The following AAK1 variants were observed in gnomAD, a reference collection of about 807,000 sequenced individuals.
The protein encoded by AAK1 is AP2 associated kinase 1.
A neutral mutation model predicts 116.0 loss-of-function variants in AAK1; 37 were observed. The ratio of observed to expected loss-of-function variants is 0.32; its 90% CI spans 0.25 to 0.42. The LOEUF (loss-of-function observed/expected upper bound fraction) is 0.42, where lower values mean the gene tolerates loss of function less well. Ranked by LOEUF, AAK1 falls within the 10% of genes least tolerant of loss-of-function variation. The pLI is 1.00. For synonymous variants in AAK1, 458 were observed against 439.9 expected (o/e 1.04, Z -0.51); for missense variants, 919 against 1,170.6 (o/e 0.79, Z 3.14).
chr2:69,548,094 T>C (rs1671003648), intron 3 of AAK1, among the ~76,000 whole-genome samples: 1 of 152,156 alleles, frequency 6.6e-6, no homozygotes, highest in African/African-American at 2.4e-5. Context: ...AGAGGGGGAA[T>C]AAGGAAAGAC....
intron 2 of AAK1, among the ~76,000 whole-genome samples, chr2:69,585,636 G>A (rs1317615029): frequency 6.6e-6 from 1 of 152,108 alleles, no homozygotes; most frequent in Non-Finnish European, 1.5e-5. Context: ...GCAGCCTTGA[G>A]TTCTAAAACC....
At chr2:69,525,430 C>T (rs1669982794) in intron 9 of AAK1, among the ~76,000 whole-genome samples, 1 of 152,184 alleles carries the variant, frequency 6.6e-6, no homozygotes, top group African/African-American at 2.4e-5. Context: ...CCCTTCTCCT[C>T]CTATAGCACA....
In AAK1 at chr2:69,479,051, G is replaced by A. The variant is rs182553523; in HGVS notation, c.2580C>T (p.Thr860=). 1.3e-4 allele frequency: 203 copies of A among 1,611,862 alleles called. No individual in the cohort carries two copies. Among genetic ancestry groups the A allele is most frequent in the Non-Finnish European group, 1.5e-4 (177 of 1,178,004 alleles). Residue 860 remains threonine (T), a synonymous_variant, in exon 20 of 22, where the codon ACC becomes ACT. Coordinates refer to ENST00000409085, the MANE Select transcript of AAK1 (RefSeq NM_014911.5). The part of the protein sequence containing the change: ...SVTSNRTDSL[T]GEDSLLDCSL... ...AGCAATCAAGCAGGGAATCTTCCCCGGTGAGAGAATCTGAGTCCAGATTAA... is the reference window on the plus strand; with the variant it reads ...AGCAATCAAGCAGGGAATCTTCCCCAGTGAGAGAATCTGAGTCCAGATTAA...
chr2:69,519,524 C>T (rs1276286734), intron 11 of AAK1, among the ~76,000 whole-genome samples: 3 of 152,190 alleles, frequency 2.0e-5, no homozygotes, highest in African/African-American at 7.2e-5. Flanking sequence ...CTTTAGTTGG[C>T]ACCCCAAATG....
At chr2:69,565,378 G>A (rs1671820495) in intron 2 of AAK1, among the ~76,000 whole-genome samples, 1 of 152,238 alleles carries the variant, frequency 6.6e-6, no homozygotes, top group South Asian at 2.1e-4. Flanking sequence ...TTCTAAGCTA[G>A]GACTGAACCA....
At chr2:69,573,907 G>A (rs1457860430) in intron 2 of AAK1, among the ~76,000 whole-genome samples, 1 of 151,944 alleles carries the variant, frequency 6.6e-6, no homozygotes, top group African/African-American at 2.4e-5. Context: ...GCTGAGGCAG[G>A]AGAATCGCCT....
intron 3 of AAK1, among the ~76,000 whole-genome samples, chr2:69,553,437 GTTTTT>G (rs70954350): frequency 6.3e-5 from 5 of 79,596 alleles, no homozygotes; most frequent in African/African-American, 2.1e-4. Context: ...ATTGAAAGTT[GTTTTT>G]TTTTTTTTTT....
At chr2:69,630,169 G>C (rs1573025108) in intron 2 of AAK1, among the ~76,000 whole-genome samples, 1 of 152,222 alleles carries the variant, frequency 6.6e-6, no homozygotes, top group East Asian at 1.9e-4. Context: ...GGCAGGTAGA[G>C]AGGCCCATCA....
chr2:69,633,934 C>G (rs1046095115), intron 2 of AAK1, among the ~76,000 whole-genome samples: 8 of 152,212 alleles, frequency 5.3e-5, no homozygotes, highest in Non-Finnish European at 1.2e-4. Context: ...CTTTGGGAGG[C>G]TGAGGCAGGT....
intron 2 of AAK1, among the ~76,000 whole-genome samples, chr2:69,635,239 A>G (rs565136384): frequency 1.3e-5 from 2 of 152,358 alleles, no homozygotes; most frequent in South Asian, 2.1e-4. Flanking sequence ...AATCAAAAGT[A>G]TAAGAAGATA....
At chr2:69,612,521 G>A (rs528194806) in intron 2 of AAK1, among the ~76,000 whole-genome samples, 1 of 152,322 alleles carries the variant, frequency 6.6e-6, no homozygotes, top group South Asian at 2.1e-4. Flanking sequence ...GGCTCTAGAC[G>A]TTTCACCAGA....
At chr2:69,479,108 G>GCA (rs765150268) in intron 19 of AAK1, 47 bp from the exon 20 acceptor site, 1 of 1,253,940 alleles carries the variant, frequency 8.0e-7, no homozygotes, top group South Asian at 1.2e-5. Context: ...GCATTAAGTG[G>GCA]CACACACAAC....
At chr2:69,637,751 G>A (rs1043197650) in intron 2 of AAK1, among the ~76,000 whole-genome samples, 3 of 152,190 alleles carry the variant, frequency 2.0e-5, no homozygotes, top group Non-Finnish European at 1.5e-5. Context: ...TTAAAATGAC[G>A]GCTCTGATGC....
At chr2:69,599,769 T>C (rs1326731560) in intron 2 of AAK1, among the ~76,000 whole-genome samples, 3 of 151,718 alleles carry the variant, frequency 2.0e-5, no homozygotes, top group Non-Finnish European at 2.9e-5. Context: ...GTCTGCAATG[T>C]GTGTGTGTGT....
intron 2 of AAK1, among the ~76,000 whole-genome samples, chr2:69,605,796 T>C (rs1673773777): frequency 6.6e-6 from 1 of 152,184 alleles, no homozygotes; most frequent in Non-Finnish European, 1.5e-5. Flanking sequence ...CATCCTCCGC[T>C]CCTACCTTCC....
Position 69,472,382 on chromosome 2 carries a change from T to A in AAK1, c.*3487A>T, listed in dbSNP as rs955887162. On this transcript the variant is annotated 3_prime_UTR_variant, in exon 22 of 22. Coordinates refer to ENST00000409085, the MANE Select transcript of AAK1 (RefSeq NM_014911.5). ...TTAAATAATATAGCTGATTTTCTTATACCTTATTACCTTCCTTGATATTAT... is the reference window on the plus strand; with the variant it reads ...TTAAATAATATAGCTGATTTTCTTAAACCTTATTACCTTCCTTGATATTAT... 1 of 222,462 alleles carries A rather than the reference T, an allele frequency of 4.5e-6. No individual in the cohort carries two copies. Among genetic ancestry groups the A allele is most frequent in the African/African-American group, 2.3e-5 (1 of 42,730 alleles). 13.8% of individuals were successfully genotyped at this position (222,462 alleles called of 1,614,324 possible).
chr2:69,480,799 G>A, intron 19 of AAK1, 61 bp downstream of exon 19: 1 of 1,409,020 alleles, frequency 7.1e-7, no homozygotes, highest in Admixed American at 2.2e-5. Flanking sequence ...CAGGTGAAAA[G>A]ACTGGCTCAG....
In AAK1 at chr2:69,482,780, T is replaced by G. The variant is rs1405090483; in HGVS notation, c.2398A>C (p.Thr800Pro). 1 of 1,613,664 alleles carries G rather than the reference T, an allele frequency of 6.2e-7. No homozygotes were observed. Among genetic ancestry groups the G allele is most frequent in the Non-Finnish European group, 8.5e-7 (1 of 1,179,654 alleles). ...KLIEGLKSPD[T>P]SLLLPDLLPM... ...AAGAGGTCAGGGAGCAGAAGAGAAG[T>G]GTCAGGAGATTTGAGTCCCTCAATT... The change falls in exon 18 of 22, where the codon ACT (threonine) becomes CCT (proline). Residue 800 changes from threonine to proline, a missense_variant. Physicochemically the swap from Thr to Pro is conservative, Grantham distance 38. Around this residue, in one of 4 missense-constraint regions of AAK1, gnomAD observed 263 missense variants for 285.5 expected, o/e 0.92. Coordinates refer to ENST00000409085, the MANE Select transcript of AAK1 (RefSeq NM_014911.5).
At chr2:69,540,121 CTTTT>C (rs538276702) in intron 5 of AAK1, among the ~76,000 whole-genome samples, 2 of 127,810 alleles carry the variant, frequency 1.6e-5, no homozygotes, top group African/African-American at 3.1e-5. Context: ...CCCCACTTGC[CTTTT>C]TTTTTTTTTT....
Sources: gnomAD v4.1 joint callset for allele counts (sites outside exome capture counted in the v4.1 genomes callset) on GRCh38, gnomAD v4.1.1 for gene constraint, gnomAD v4.1.1 regional missense constraint, MANE v1.5 for transcripts, NCBI Gene and HGNC (gene_info 2026-07-23, HGNC 2026-07-21) for gene names.